MEI4: variants seen among roughly 807,000 people sequenced by gnomAD.
MEI4 encodes meiosis-specific protein MEI4.
In MEI4, 27 loss-of-function variants were observed where a neutral mutation model predicts 31.4. That is an observed-to-expected ratio of 0.86 (90% confidence interval 0.63 to 1.19). The LOEUF (loss-of-function observed/expected upper bound fraction) is 1.19. Ranked by LOEUF, MEI4 falls within the 50% of genes most tolerant of loss-of-function variation. The pLI, the probability that MEI4 is intolerant of heterozygous loss-of-function variation, is 0.00. For missense variants in MEI4, 329 were observed against 398.9 expected, an observed-to-expected ratio of 0.82 and a Z score of 1.49; for synonymous variants, 122 against 145.4, an observed-to-expected ratio of 0.84 and a Z score of 1.16.
intron 4 of MEI4, among the ~76,000 whole-genome samples, chr6:77,829,803 T>C (rs953231790): frequency 6.6e-6 from 1 of 152,164 alleles, no homozygotes; most frequent in African/African-American, 2.4e-5. Flanking sequence ...AATGTCTTGG[T>C]AAAGAGAAAG....
At position 77,923,486 on chromosome 6, in the gene MEI4, T is replaced by C. The variant is rs934206863; in HGVS notation, c.*140T>C. The C allele has an allele frequency of 2.7e-6, 2 of 730,390 alleles. No individual in the cohort carries two copies. Among genetic ancestry groups the C allele is most frequent in the African/African-American group, 3.7e-5 (2 of 54,054 alleles). The allele number at this position is 730,390 out of a possible 1,614,324, so 45.2% of individuals were successfully genotyped here. On this transcript the variant is annotated 3_prime_UTR_variant, in exon 5 of 5. Transcript: ENST00000684080. ...AAATATAATTATCAATTCAACTTAA[T>C]GGTTAGTCTTAAATTGTATGAAATT...
chr6:77,747,454 T>C (rs1049250243), intron 2 of MEI4, among the ~76,000 whole-genome samples: 6 of 152,140 alleles, frequency 3.9e-5, no homozygotes, highest in Non-Finnish European at 8.8e-5. Flanking sequence ...GACACAGTCA[T>C]GTGTTACATG....
chr6:77,705,946 A>G (rs1205944449), intron 2 of MEI4, among the ~76,000 whole-genome samples: 1 of 152,160 alleles, frequency 6.6e-6, no homozygotes, highest in Admixed American at 6.5e-5. Context: ...ATTGTTTCAC[A>G]GTTTTGTGGA....
chr6:77,911,749 A>T (rs907852115), intron 4 of MEI4, among the ~76,000 whole-genome samples: 3 of 147,696 alleles, frequency 2.0e-5, no homozygotes, highest in Non-Finnish European at 4.5e-5. Flanking sequence ...TATATATATA[A>T]ATACATCTTC....
At chr6:77,744,574 A>G (rs1264711607) in intron 2 of MEI4, among the ~76,000 whole-genome samples, 1 of 152,224 alleles carries the variant, frequency 6.6e-6, no homozygotes, top group Non-Finnish European at 1.5e-5. Context: ...AACTTCCCCA[A>G]TCTAGCAAGG....
intron 4 of MEI4, among the ~76,000 whole-genome samples, chr6:77,891,980 A>G (rs1040703150): frequency 2.0e-5 from 3 of 152,334 alleles, no homozygotes. Flanking sequence ...AGGAGCATCA[A>G]GAGGGCAGGT....
At chr6:77,776,443 G>T (rs1184661855) in intron 3 of MEI4, among the ~76,000 whole-genome samples, 1 of 152,068 alleles carries the variant, frequency 6.6e-6, no homozygotes, top group African/African-American at 2.4e-5. Flanking sequence ...ATAGAAACTT[G>T]GTGCATTTCA....
intron 4 of MEI4, among the ~76,000 whole-genome samples, chr6:77,851,289 AT>A (rs1770613351): frequency 6.6e-6 from 1 of 152,172 alleles, no homozygotes; most frequent in Non-Finnish European, 1.5e-5. Flanking sequence ...TACTGGGTAT[AT>A]ACCCAAAGGA....
intron 4 of MEI4, among the ~76,000 whole-genome samples, chr6:77,909,469 G>T (rs1766379846): frequency 6.6e-6 from 1 of 151,954 alleles, no homozygotes; most frequent in African/African-American, 2.4e-5. Context: ...AGAAATGAAT[G>T]AATTCCTCAG....
intron 3 of MEI4, among the ~76,000 whole-genome samples, chr6:77,805,160 T>C (rs971948240): frequency 2.0e-5 from 3 of 152,104 alleles, no homozygotes; most frequent in African/African-American, 7.2e-5. Flanking sequence ...AGGTAAATAA[T>C]ATGTAAAAAT....
In MEI4 at chr6:77,761,212, T is replaced by C; in HGVS notation, c.315T>C (p.Asp105=). The C allele has an allele frequency of 8.1e-7, 1 of 1,232,382 alleles. No homozygotes were observed. Among genetic ancestry groups the C allele is most frequent in the Non-Finnish European group, 1.0e-6 (1 of 988,008 alleles). 76.3% of individuals were successfully genotyped at this position (1,232,382 alleles called of 1,614,324 possible). A position where few individuals can be genotyped will look rare whatever the true frequency, so the allele number is the denominator to read the frequency against. ...TLTSMEDSGC[D]LSNEQRTESS... ...CTTCGATGGAAGATTCTGGATGTGATTTGTCGAATGAGCAGAGAACTGAAT... is the reference window on the plus strand; with the variant it reads ...CTTCGATGGAAGATTCTGGATGTGACTTGTCGAATGAGCAGAGAACTGAAT... The change falls in exon 3 of 5, where the codon GAT becomes GAC. Residue 105 remains aspartate (D), a synonymous_variant. Coordinates refer to ENST00000684080, the MANE Select transcript of MEI4 (RefSeq NM_001322247.2).
chr6:77,731,961 G>A (rs1325298724), intron 2 of MEI4, among the ~76,000 whole-genome samples: 1 of 147,784 alleles, frequency 6.8e-6, no homozygotes, highest in Non-Finnish European at 1.5e-5. Context: ...TATTTCTGAG[G>A]GCTCTGTTCT....
At chr6:77,768,151 A>G (rs1417149476) in intron 3 of MEI4, among the ~76,000 whole-genome samples, 1 of 152,186 alleles carries the variant, frequency 6.6e-6, no homozygotes, top group Non-Finnish European at 1.5e-5. Context: ...CAGTAGTAGA[A>G]GACCTAGGTC....
chr6:77,895,471 TC>T (rs1259829450), intron 4 of MEI4, among the ~76,000 whole-genome samples: 2 of 152,036 alleles, frequency 1.3e-5, no homozygotes, highest in African/African-American at 4.8e-5. Context: ...TCAAGTCACC[TC>T]TCCTGAAGAA....
At chr6:77,873,290 C>T (rs1373828822) in intron 4 of MEI4, among the ~76,000 whole-genome samples, 3 of 152,176 alleles carry the variant, frequency 2.0e-5, no homozygotes, top group South Asian at 2.1e-4. Flanking sequence ...TTAATGATCG[C>T]CATTCTAACT....
At chr6:77,816,681 G>T (rs2127706716) in intron 3 of MEI4, among the ~76,000 whole-genome samples, 1 of 152,162 alleles carries the variant, frequency 6.6e-6, no homozygotes, top group African/African-American at 2.4e-5. Flanking sequence ...GGGTCAAATG[G>T]TATTTCTCGT....
chr6:77,750,467 A>T (rs1479468417), intron 2 of MEI4, among the ~76,000 whole-genome samples: 1 of 152,214 alleles, frequency 6.6e-6, no homozygotes, highest in Non-Finnish European at 1.5e-5. Flanking sequence ...AGGTATTGCA[A>T]TCCTAGTCTC....
chr6:77,699,347 G>A (rs1434580437), intron 2 of MEI4, among the ~76,000 whole-genome samples: 1 of 151,770 alleles, frequency 6.6e-6, no homozygotes. Context: ...CTGCCACTAC[G>A]CCCGGCTAAT....
intron 4 of MEI4, among the ~76,000 whole-genome samples, chr6:77,892,789 TAGAG>T (rs1456579250): frequency 1.3e-5 from 2 of 152,040 alleles, no homozygotes; most frequent in South Asian, 2.1e-4. Flanking sequence ...GATGTGGAGA[TAGAG>T]AGGCTGTTGG....
Sources: allele counts gnomAD v4.1 joint callset (sites outside exome capture counted in the v4.1 genomes callset), GRCh38; gene constraint gnomAD v4.1.1; transcripts MANE v1.5; gene names NCBI Gene and HGNC (gene_info 2026-07-23, HGNC 2026-07-21).